The following ST8SIA2 variants were observed in gnomAD, a reference collection of about 807,000 sequenced individuals.
ST8SIA2 encodes alpha-2,8-sialyltransferase 8B.
Under a neutral mutation model 37.6 loss-of-function variants are expected in ST8SIA2, and 22 were observed. That is an observed-to-expected ratio of 0.58 (90% CI 0.42 to 0.83). The LOEUF is 0.83. Among genes scored for constraint, ST8SIA2 ranks in the 40% least tolerant of loss-of-function variants. The pLI is 0.00. For missense variants in ST8SIA2, 382 were observed against 484.7 expected, an observed-to-expected ratio of 0.79 and a Z score of 1.99; for synonymous variants, 205 against 201.2, an observed-to-expected ratio of 1.02 and a Z score of -0.16.
intron 4 of ST8SIA2, among the ~76,000 whole-genome samples, chr15:92,439,514 A>T (rs2049785764): frequency 6.6e-6 from 1 of 152,140 alleles, no homozygotes; most frequent in Non-Finnish European, 1.5e-5. Context: ...CCCTGGCAGA[A>T]CCGCAAACGT....
At chr15:92,457,401 C>T (rs1596250574) in intron 5 of ST8SIA2, among the ~76,000 whole-genome samples, 1 of 152,324 alleles carries the variant, frequency 6.6e-6, no homozygotes, top group Admixed American at 6.5e-5. Context: ...GCTGTCCGTG[C>T]TCATAAAATA....
At chr15:92,440,916 T>A (rs1251876638) in intron 4 of ST8SIA2, among the ~76,000 whole-genome samples, 3 of 152,236 alleles carry the variant, frequency 2.0e-5, no homozygotes, top group African/African-American at 7.2e-5. Context: ...TAATTCCCCA[T>A]GGACTCTGTC....
chr15:92,423,950 G>T (rs1428264602), intron 1 of ST8SIA2, among the ~76,000 whole-genome samples: 1 of 152,200 alleles, frequency 6.6e-6, no homozygotes, highest in South Asian at 2.1e-4. Context: ...TCATGTGACT[G>T]ACCCCAAGTC....
At chr15:92,416,179 C>T (rs1232363567) in intron 1 of ST8SIA2, among the ~76,000 whole-genome samples, 2 of 145,050 alleles carry the variant, frequency 1.4e-5, no homozygotes, top group African/African-American at 5.2e-5. Context: ...GGCACTGGCA[C>T]TCACCCTCAG....
chr15:92,449,845 G>T (rs936194148), intron 5 of ST8SIA2, among the ~76,000 whole-genome samples: 2 of 151,870 alleles, frequency 1.3e-5, no homozygotes, highest in African/African-American at 4.8e-5. Flanking sequence ...TTTTTAATGG[G>T]GTTGTCTTTT....
At chr15:92,399,719 T>C (rs2049456462) in intron 1 of ST8SIA2, among the ~76,000 whole-genome samples, 1 of 152,220 alleles carries the variant, frequency 6.6e-6, no homozygotes, top group Non-Finnish European at 1.5e-5. Context: ...TCCAAGTCCT[T>C]ATTGCCAACT....
rs1024361832 is a variant in ST8SIA2 at position 92,429,970 on chromosome 15, A to T, written c.99-79A>T. ...CCCTCTGTAGTTTTCCAGGTGGGCT[A>T]TGGGATCTCCTGGCAATTGAAGAGG... On this transcript the variant is annotated intron_variant, in intron 1 of 5. Transcript: ENST00000268164. 2.0e-6 allele frequency: 3 copies of T among 1,481,684 alleles called. No individual in the cohort carries two copies. The African/African-American group carries it at 4.2e-5, about 21-fold the overall frequency. The allele number at this position is 1,481,684 out of a possible 1,614,324, so 91.8% of individuals were successfully genotyped here.
At chr15:92,428,960 G>C (rs1216593830) in intron 1 of ST8SIA2, among the ~76,000 whole-genome samples, 2 of 152,160 alleles carry the variant, frequency 1.3e-5, no homozygotes, top group African/African-American at 4.8e-5. Flanking sequence ...CACATACAAT[G>C]TGATATATAC....
chr15:92,424,882 T>C (rs997602561), intron 1 of ST8SIA2, among the ~76,000 whole-genome samples: 9 of 152,138 alleles, frequency 5.9e-5, no homozygotes, highest in South Asian at 2.1e-4. Flanking sequence ...AAAGTAAAAA[T>C]TGACATTCTA....
At chr15:92,412,844 G>A (rs1469316909) in intron 1 of ST8SIA2, among the ~76,000 whole-genome samples, 2 of 152,108 alleles carry the variant, frequency 1.3e-5, no homozygotes, top group Non-Finnish European at 2.9e-5. Flanking sequence ...TTTTTAGTAG[G>A]AATGGGCTTT....
At chr15:92,400,631 G>T (rs1286354997) in intron 1 of ST8SIA2, among the ~76,000 whole-genome samples, 2 of 152,158 alleles carry the variant, frequency 1.3e-5, no homozygotes, top group Non-Finnish European at 2.9e-5. Flanking sequence ...AGTGGTGTTT[G>T]CCCCCTGCCA....
chr15:92,446,550 A>C (rs1447897799), intron 5 of ST8SIA2, among the ~76,000 whole-genome samples: 1 of 152,256 alleles, frequency 6.6e-6, no homozygotes, highest in African/African-American at 2.4e-5. Flanking sequence ...AGTGCTTACT[A>C]TGCGCTAGGC....
intron 1 of ST8SIA2, among the ~76,000 whole-genome samples, chr15:92,402,734 G>A (rs1157616477): frequency 1.3e-5 from 2 of 152,100 alleles, no homozygotes; most frequent in Non-Finnish European, 2.9e-5. Flanking sequence ...ACGGCCAGGG[G>A]CACACCGCTC....
Position 92,434,227 on chromosome 15 carries a change from T to TC in ST8SIA2, c.162-19dup, listed in dbSNP as rs1567218073. ...GCTAACACATCATGTCTACCCTCTT[T>TC]CTTTTTTTTTCCCTTCCAGAGCTGA... is the stretch of plus-strand genomic sequence containing the variant. On this transcript the variant is annotated intron_variant, in intron 2 of 5. Transcript: ENST00000268164. The TC allele has an allele frequency of 1.2e-6, 2 of 1,613,798 alleles. No individual in the cohort carries two copies. Among genetic ancestry groups the TC allele is most frequent in the Non-Finnish European group, 1.7e-6 (2 of 1,179,950 alleles).
intron 5 of ST8SIA2, among the ~76,000 whole-genome samples, chr15:92,463,786 C>T (rs1293990534): frequency 1.3e-5 from 2 of 152,224 alleles, no homozygotes; most frequent in African/African-American, 4.8e-5. Context: ...TCAAGTGCTG[C>T]CCCTTTCTAC....
chr15:92,451,462 T>C (rs2141844537), intron 5 of ST8SIA2, among the ~76,000 whole-genome samples: 1 of 152,338 alleles, frequency 6.6e-6, no homozygotes, highest in African/African-American at 2.4e-5. Context: ...ATGACACAGT[T>C]GTGCTGAAAC....
intron 5 of ST8SIA2, 151 bp downstream of exon 5, chr15:92,445,080 C>T (rs1019201642): frequency 2.7e-5 from 31 of 1,169,614 alleles, no homozygotes; most frequent in Non-Finnish European, 3.6e-5. Context: ...TCTGAGCCTC[C>T]ATTCCTTGAG....
chr15:92,396,218 C>G (rs1336269841), intron 1 of ST8SIA2, among the ~76,000 whole-genome samples: 1 of 152,206 alleles, frequency 6.6e-6, no homozygotes, highest in Non-Finnish European at 1.5e-5. Context: ...CCAGTCCTGA[C>G]CAGGCCTAAG....
At chr15:92,425,865 AG>A (rs955154503) in intron 1 of ST8SIA2, among the ~76,000 whole-genome samples, 28 of 152,166 alleles carry the variant, frequency 1.8e-4, no homozygotes, top group Admixed American at 1.8e-3. Flanking sequence ...ATGAGACAGT[AG>A]GGGTGTGGAT....
Sources: gnomAD v4.1 joint callset for allele counts (sites outside exome capture counted in the v4.1 genomes callset) on GRCh38, gnomAD v4.1.1 for gene constraint, MANE v1.5 for transcripts, NCBI Gene and HGNC (gene_info 2026-07-23, HGNC 2026-07-21) for gene names.